The following LRRC55 variants were observed in gnomAD, a reference collection of about 807,000 sequenced individuals.
LRRC55 encodes the protein leucine rich repeat containing 55.
In LRRC55, 11 loss-of-function variants were observed where a neutral mutation model predicts 20.5. The ratio of observed to expected loss-of-function variants is 0.54; its 90% confidence interval spans 0.34 to 0.89. The LOEUF (loss-of-function observed/expected upper bound fraction) is 0.89, where lower values mean the gene tolerates loss of function less well. Among genes scored for constraint, LRRC55 ranks in the 40% least tolerant of loss-of-function variants. The pLI is 0.02. For missense variants in LRRC55, 358 were observed against 390.9 expected (o/e 0.92, Z 0.71); for synonymous variants, 188 against 166.6 (o/e 1.13, Z -0.99).
In LRRC55 at chr11:57,187,524, G is replaced by T. The variant is rs370369277; in HGVS notation, c.*44G>T. The T allele has an allele frequency of 1.9e-5, 29 of 1,561,036 alleles. No individual in the cohort carries two copies. Among genetic ancestry groups the T allele is most frequent in the Non-Finnish European group, 2.4e-5 (27 of 1,143,558 alleles). ...CTCCATGCTGCTGACCGCCACAGCT[G>T]CTGGCCACCAGACGCCCTCCCTGAC... is the stretch of plus-strand genomic sequence containing the variant. On this transcript the variant is annotated 3_prime_UTR_variant, in exon 2 of 2. Coordinates refer to ENST00000497933, the MANE Select transcript of LRRC55 (RefSeq NM_001005210.4).
intron 1 of LRRC55, among the ~76,000 whole-genome samples, chr11:57,185,853 C>T (rs940431553): frequency 7.2e-5 from 11 of 151,894 alleles, no homozygotes; most frequent in East Asian, 5.8e-4. Flanking sequence ...TGAGATGAGA[C>T]CATCAATGCT....
In LRRC55 at chr11:57,189,018, G is replaced by C. The variant is rs540425328; in HGVS notation, c.*1538G>C. 6.6e-6 allele frequency: 1 copy of C among 152,310 alleles called. No individual in the cohort carries two copies. Among genetic ancestry groups the C allele is most frequent in the East Asian group, 1.9e-4 (1 of 5,190 alleles). 9.4% of individuals were successfully genotyped at this position (152,310 alleles called of 1,614,324 possible). A position where few individuals can be genotyped will look rare whatever the true frequency, so the allele number is the denominator to read the frequency against. ...TCAGTCAAAAATCAAGTAACTTTACGAGCAAAGCACAATTATCATCATCGT... is the reference window on the plus strand; with the variant it reads ...TCAGTCAAAAATCAAGTAACTTTACCAGCAAAGCACAATTATCATCATCGT... On this transcript the variant is annotated 3_prime_UTR_variant, in exon 2 of 2. Coordinates refer to ENST00000497933, the MANE Select transcript of LRRC55 (RefSeq NM_001005210.4).
intron 1 of LRRC55, among the ~76,000 whole-genome samples, chr11:57,183,707 G>A (rs1336834853): frequency 6.6e-6 from 1 of 152,212 alleles, no homozygotes; most frequent in Non-Finnish European, 1.5e-5. Context: ...CCTGAGCAGT[G>A]TAAACTTTGG....
Position 57,190,449 on chromosome 11 carries a change from G to C in LRRC55, c.*2969G>C, listed in dbSNP as rs1185393348. 6.6e-6 allele frequency: 1 copy of C among 152,218 alleles called. No homozygotes were observed. The highest frequency in any genetic ancestry group is 1.9e-4 in the East Asian group (1 of 5,190). 9.4% of individuals were successfully genotyped at this position (152,218 alleles called of 1,614,324 possible). ...GCTTCTCCCCCACCGCCATCATCTT[G>C]TCCAAGCTATCAGAAGCAACCTTCT... On this transcript the variant is annotated 3_prime_UTR_variant, in exon 2 of 2. Coordinates refer to ENST00000497933, the MANE Select transcript of LRRC55 (RefSeq NM_001005210.4).
Position 57,187,321 on chromosome 11 carries a change from C to T in LRRC55, c.738C>T (p.Phe246=). The T allele has an allele frequency of 1.2e-6, 2 of 1,614,162 alleles. No homozygotes were observed. Among genetic ancestry groups the T allele is most frequent in the Non-Finnish European group, 1.7e-6 (2 of 1,180,032 alleles). The change falls in exon 2 of 2, where the codon TTC becomes TTT. Residue 246 remains phenylalanine (F), a synonymous_variant. Coordinates refer to ENST00000497933, the MANE Select transcript of LRRC55 (RefSeq NM_001005210.4). ...TCTTCTCACTCACTGAGGAGAGCTTCAAGGCCTGCCACCTGACCCTGACCC... is the reference window on the plus strand; with the variant it reads ...TCTTCTCACTCACTGAGGAGAGCTTTAAGGCCTGCCACCTGACCCTGACCC... ...APLFSLTEES[F]KACHLTLTLD... is the part of the protein sequence containing the mutation.
rs902856318 is a variant in LRRC55 at position 57,187,285 on chromosome 11, G to A, written c.702G>A (p.Glu234=). The A allele has an allele frequency of 3.8e-5, 62 of 1,613,912 alleles. No homozygotes were observed. The highest frequency in any genetic ancestry group is 4.9e-5 in the Non-Finnish European group (58 of 1,180,022). The change falls in exon 2 of 2, where the codon GAG becomes GAA. Residue 234 remains glutamate, a synonymous_variant. Coordinates refer to ENST00000497933, the MANE Select transcript of LRRC55 (RefSeq NM_001005210.4). ...LAECRGPPEV[E]GAPLFSLTEE... ...AGTGCCGGGGCCCTCCTGAAGTCGA[G>A]GGCGCCCCGCTCTTCTCACTCACTG... is the stretch of plus-strand genomic sequence containing the variant.
chr11:57,183,354 TTA>T, intron 1 of LRRC55, among the ~76,000 whole-genome samples: 1 of 152,200 alleles, frequency 6.6e-6, no homozygotes, highest in Non-Finnish European at 1.5e-5. Flanking sequence ...ACTTGAGACC[TTA>T]GTACTTGCTA....
intron 1 of LRRC55, among the ~76,000 whole-genome samples, chr11:57,186,235 T>A (rs111658261): frequency 3.9e-5 from 6 of 152,128 alleles, no homozygotes; most frequent in African/African-American, 1.2e-4. Flanking sequence ...ATACCCTGTG[T>A]ATCTGGAAAT....
In LRRC55 at chr11:57,182,671, C is replaced by T. The variant is rs143027441; in HGVS notation, c.649C>T (p.Arg217Cys). 68 of 1,510,492 alleles carry T rather than the reference C, an allele frequency of 4.5e-5. No individual in the cohort carries two copies. Among genetic ancestry groups the T allele is most frequent in the East Asian group, 6.8e-5 (3 of 43,876 alleles). The allele number at this position is 1,510,492 out of a possible 1,614,324, so 93.6% of individuals were successfully genotyped here. The change falls in exon 1 of 2, where the codon CGC (arginine) becomes TGC (cysteine). Residue 217 changes from arginine to cysteine, a missense_variant. Arg to Cys is a radical substitution (Grantham distance 180). Around this residue, in one of 3 missense-constraint regions of LRRC55, gnomAD observed 178 missense variants for 207.9 expected, o/e 0.86. Transcript: ENST00000497933. ...LLKWLRNRIQ[R>C]CTADSQLAEC... ...GAAGTGGCTGCGAAACCGGATCCAG[C>T]GCTGTACAGCAGGTAATAGAGGGGC...
At chr11:57,185,383 C>A (rs1454418449) in intron 1 of LRRC55, among the ~76,000 whole-genome samples, 1 of 141,224 alleles carries the variant, frequency 7.1e-6, no homozygotes, top group East Asian at 2.1e-4. Context: ...CAGGTTCAAG[C>A]AATTCTCCTG....
intron 1 of LRRC55, among the ~76,000 whole-genome samples, chr11:57,186,461 G>T (rs1040336385): frequency 6.6e-6 from 1 of 152,208 alleles, no homozygotes; most frequent in African/African-American, 2.4e-5. Context: ...CAGCAGAGCA[G>T]GGAAGATAGG....
Position 57,187,461 on chromosome 11 carries a change from G to A in LRRC55, c.878G>A (p.Ser293Asn), listed in dbSNP as rs1327911344. 1 of 1,614,084 alleles carries A rather than the reference G, an allele frequency of 6.2e-7. No individual in the cohort carries two copies. The highest frequency in any genetic ancestry group is 1.1e-5 in the South Asian group (1 of 91,078). Residue 293 changes from serine (S) to asparagine (N), a missense_variant, in exon 2 of 2, where the codon AGT becomes AAT. Coordinates refer to ENST00000497933, the MANE Select transcript of LRRC55 (RefSeq NM_001005210.4). ...TGCTGCCACCGCTGGAGCAAGGCCA[G>A]TGAAGAGGAAGAGATCTGACATGCC... ...ANCCHRWSKA[S>N]EEEEI
Position 57,187,407 on chromosome 11 carries a change from C to T in LRRC55, c.824C>T (p.Thr275Ile). ...GFVVSIASVA[T>I]NFLLGITANC... Reference sequence around the variant, plus strand: ...GTGGTCTCCATTGCTTCTGTGGCCACCAACTTCCTCCTGGGCATCACTGCC... The same window carrying T: ...GTGGTCTCCATTGCTTCTGTGGCCATCAACTTCCTCCTGGGCATCACTGCC... The change falls in exon 2 of 2, where the codon ACC becomes ATC. Residue 275 changes from threonine (T) to isoleucine (I), a missense_variant. Physicochemically the swap from Thr to Ile is moderately conservative, Grantham distance 89 (BLOSUM62 -1). Coordinates refer to ENST00000497933, the MANE Select transcript of LRRC55 (RefSeq NM_001005210.4). 6.2e-7 allele frequency: 1 copy of T among 1,614,210 alleles called. No individual in the cohort carries two copies. The highest frequency in any genetic ancestry group is 8.5e-7 in the Non-Finnish European group (1 of 1,180,050).
Position 57,187,566 on chromosome 11 carries a change from A to C in LRRC55, c.*86A>C. The C allele has an allele frequency of 7.8e-7, 1 of 1,286,238 alleles. No individual in the cohort carries two copies. The highest frequency in any genetic ancestry group is 1.1e-6 in the Non-Finnish European group (1 of 914,838). The allele number at this position is 1,286,238 out of a possible 1,614,324, so 79.7% of individuals were successfully genotyped here. A position where few individuals can be genotyped will look rare whatever the true frequency, so the allele number is the denominator to read the frequency against. On this transcript the variant is annotated 3_prime_UTR_variant, in exon 2 of 2. Coordinates refer to ENST00000497933, the MANE Select transcript of LRRC55 (RefSeq NM_001005210.4). ...CTCCCTGACTGCTCACTCTGGTTCC[A>C]TGGTGACCTGGCTGCCTCAGTCATG...
rs1424633450 is a variant in LRRC55 at position 57,188,314 on chromosome 11, C to T, written c.*834C>T. On this transcript the variant is annotated 3_prime_UTR_variant, in exon 2 of 2. Coordinates refer to ENST00000497933, the MANE Select transcript of LRRC55 (RefSeq NM_001005210.4). ...GCAAGAGTCCTGGCACCTTGGGATC[C>T]TAATCATGTGACTGTTCTTGCCACA... 1.3e-5 allele frequency: 2 copies of T among 152,670 alleles called. No homozygotes were observed. Among genetic ancestry groups the T allele is most frequent in the Non-Finnish European group, 2.9e-5 (2 of 68,076 alleles). 9.5% of individuals were successfully genotyped at this position (152,670 alleles called of 1,614,324 possible).
At position 57,188,735 on chromosome 11, in the gene LRRC55, C is replaced by A. The variant is rs189915716; in HGVS notation, c.*1255C>A. ...TCCAAGTTGGGGAACATCACCATTC[C>A]CTCTAGAGTTATATAAATTCAAATT... On this transcript the variant is annotated 3_prime_UTR_variant, in exon 2 of 2. Transcript: ENST00000497933. 2.6e-5 allele frequency: 4 copies of A among 152,296 alleles called. No individual in the cohort carries two copies. Among genetic ancestry groups the A allele is most frequent in the Admixed American group, 2.6e-4 (4 of 15,302 alleles). The allele number at this position is 152,296 out of a possible 1,614,324, so 9.4% of individuals were successfully genotyped here.
chr11:57,186,707 G>A (rs1854435727), intron 1 of LRRC55, among the ~76,000 whole-genome samples: 1 of 152,190 alleles, frequency 6.6e-6, no homozygotes, highest in Non-Finnish European at 1.5e-5. Context: ...GGCTAGAGCA[G>A]GGTAAGTAAG....
At chr11:57,186,648 C>G (rs1035329359) in intron 1 of LRRC55, among the ~76,000 whole-genome samples, 3 of 152,172 alleles carry the variant, frequency 2.0e-5, no homozygotes. Flanking sequence ...TTCCCCGCTT[C>G]AAGAGGGGAC....
chr11:57,187,668 T>C lies in LRRC55; in HGVS notation c.*188T>C. ...GGCGGCACGCTAGGAATTGGGAACA[T>C]CAGATGAACTGACTCAGTCCCTGCC... On this transcript the variant is annotated 3_prime_UTR_variant, in exon 2 of 2. Transcript: ENST00000497933. The C allele has an allele frequency of 1.5e-6, 1 of 647,306 alleles. No individual in the cohort carries two copies. Among genetic ancestry groups the C allele is most frequent in the Non-Finnish European group, 2.7e-6 (1 of 366,482 alleles). The allele number at this position is 647,306 out of a possible 1,614,324, so 40.1% of individuals were successfully genotyped here.
Sources: gnomAD v4.1 joint callset for allele counts (sites outside exome capture counted in the v4.1 genomes callset) on GRCh38, gnomAD v4.1.1 for gene constraint, gnomAD v4.1.1 regional missense constraint, MANE v1.5 for transcripts, NCBI Gene and HGNC (gene_info 2026-07-23, HGNC 2026-07-21) for gene names.